FGD5: variants seen among roughly 807,000 people sequenced by gnomAD.
The protein encoded by FGD5 is FYVE, RhoGEF and PH domain containing 5.
Under a neutral mutation model 133.4 loss-of-function variants are expected in FGD5, and 28 were observed. The ratio of observed to expected loss-of-function variants is 0.21; its 90% CI spans 0.16 to 0.29. The LOEUF is 0.29. Ranked by LOEUF, FGD5 falls within the 10% of genes least tolerant of loss-of-function variation. FGD5 has a pLI of 1.00. For synonymous variants in FGD5, 810 were observed against 776.5 expected (o/e 1.04, Z -0.72); for missense variants, 1,858 against 1,895.2 (o/e 0.98, Z 0.36).
chr3:14,895,866 A>G (rs1036621078), intron 4 of FGD5, among the ~76,000 whole-genome samples: 6 of 152,200 alleles, frequency 3.9e-5, no homozygotes, highest in African/African-American at 1.4e-4. Flanking sequence ...AGCCGACAAG[A>G]TGTTATACTC....
At chr3:14,872,478 C>T (rs1237215504) in intron 2 of FGD5, among the ~76,000 whole-genome samples, 1 of 152,142 alleles carries the variant, frequency 6.6e-6, no homozygotes, top group Non-Finnish European at 1.5e-5. Context: ...AAAGCAGGTA[C>T]TCAAAGCACC....
At chr3:14,914,987 A>C (rs1315918205) in intron 11 of FGD5, among the ~76,000 whole-genome samples, 1 of 152,282 alleles carries the variant, frequency 6.6e-6, no homozygotes, top group Non-Finnish European at 1.5e-5. Context: ...AAAGCCAGCC[A>C]GACACCGATT....
chr3:14,818,645 A>G (rs1397309107), upstream of FGD5, among the ~76,000 whole-genome samples: 1 of 152,188 alleles, frequency 6.6e-6, no homozygotes, highest in East Asian at 1.9e-4. Flanking sequence ...TAGCTGCTGG[A>G]TGAATGAATG....
chr3:14,890,955 A>T (rs75697743), intron 4 of FGD5, among the ~76,000 whole-genome samples: 4,606 of 152,222 alleles, frequency 0.03, 243 homozygotes, highest in East Asian at 0.22. Context: ...GGAAATTGAG[A>T]CTCAGACAGG....
chr3:14,832,178 C>T (rs2036723806), intron 1 of FGD5, among the ~76,000 whole-genome samples: 1 of 152,200 alleles, frequency 6.6e-6, no homozygotes, highest in Non-Finnish European at 1.5e-5. Context: ...AGAGATAATG[C>T]AGACACCAGG....
intron 1 of FGD5, among the ~76,000 whole-genome samples, chr3:14,812,001 G>GGTGT (rs10644004): frequency 0.023 from 3,280 of 145,638 alleles, 68 homozygotes; most frequent in East Asian, 0.081. Context: ...ATATCCTGCT[G>GGTGT]GTGTGTGTGT....
chr3:14,898,556 C>A (rs1047118659), intron 6 of FGD5, among the ~76,000 whole-genome samples, 183 bp from the exon 7 acceptor site: 15 of 152,022 alleles, frequency 9.9e-5, no homozygotes, highest in Non-Finnish European at 1.8e-4. Flanking sequence ...TGAGCAGTTA[C>A]AGCAGGGCCG....
chr3:14,858,989 T>A (rs2037343803), intron 1 of FGD5, among the ~76,000 whole-genome samples: 3 of 152,256 alleles, frequency 2.0e-5, no homozygotes, highest in Admixed American at 6.5e-5. Flanking sequence ...TGCTAACTTC[T>A]GTTTAAGATA....
rs145062125 is a variant in FGD5 at position 14,892,805 on chromosome 3, G to A, written c.2749-4704G>A. ...TTGCACTCCAGACTGGGCAACAAGA[G>A]CAAAAATCCATCTCAAAAAAAAAAA... On this transcript the variant is annotated intron_variant, in intron 4 of 19. Coordinates refer to ENST00000285046, the MANE Select transcript of FGD5 (RefSeq NM_152536.4). 2.6e-4 allele frequency among the ~76,000 whole-genome samples: 36 copies of A among 136,106 alleles called. 1 individual carries two copies. The highest frequency in any genetic ancestry group is 9.8e-4 in the African/African-American group (35 of 35,796). 89.3% of individuals were successfully genotyped at this position (136,106 alleles called of 152,430 possible). A position where few individuals can be genotyped will look rare whatever the true frequency, so the allele number is the denominator to read the frequency against.
chr3:14,815,556 T>C (rs527953142), upstream of FGD5, among the ~76,000 whole-genome samples: 78 of 152,304 alleles, frequency 5.1e-4, no homozygotes, highest in Middle Eastern at 3.4e-3. Flanking sequence ...TCAATAAATA[T>C]GTATTTAATG....
At chr3:14,843,842 C>T (rs1386201268) in intron 1 of FGD5, among the ~76,000 whole-genome samples, 1 of 151,478 alleles carries the variant, frequency 6.6e-6, no homozygotes, top group East Asian at 2.0e-4. Context: ...AGGTATGCAC[C>T]ACCACCACAC....
chr3:14,893,616 G>C (rs2125129005), intron 4 of FGD5, among the ~76,000 whole-genome samples: 1 of 152,262 alleles, frequency 6.6e-6, no homozygotes, highest in African/African-American at 2.4e-5. Context: ...CCAAAGTGCT[G>C]GGATTATAGG....
At chr3:14,844,217 AATATATATATATATAT>A (rs869290486) in intron 1 of FGD5, among the ~76,000 whole-genome samples, 35 of 20,366 alleles carry the variant, frequency 1.7e-3, no homozygotes, top group African/African-American at 6.0e-3. Flanking sequence ...AAAAAAAAAA[AATATATATATATATAT>A]ATATATATAT....
intron 2 of FGD5, among the ~76,000 whole-genome samples, chr3:14,868,374 C>T (rs2037538168): frequency 2.0e-5 from 3 of 152,218 alleles, no homozygotes; most frequent in Admixed American, 2.0e-4. Context: ...AGGTCTGCTC[C>T]TGCCCAGCAG....
chr3:14,828,775 C>T (rs1250902029), intron 1 of FGD5, among the ~76,000 whole-genome samples: 2 of 150,326 alleles, frequency 1.3e-5, no homozygotes, highest in East Asian at 3.9e-4. Flanking sequence ...ATGGAGTGGG[C>T]AGTAGGGGAG....
intron 1 of FGD5, among the ~76,000 whole-genome samples, chr3:14,839,214 G>A (rs2036870876): frequency 6.6e-6 from 1 of 152,194 alleles, no homozygotes; most frequent in South Asian, 2.1e-4. Flanking sequence ...GGGAGGAATT[G>A]GGGGAATTCA....
At chr3:14,898,127 T>C in intron 6 of FGD5, 32 bp downstream of exon 6, 1 of 1,612,902 alleles carries the variant, frequency 6.2e-7, no homozygotes, top group East Asian at 2.2e-5. Flanking sequence ...GACCCTGCTG[T>C]AAGGATGCAG....
intron 4 of FGD5, among the ~76,000 whole-genome samples, chr3:14,883,541 C>T (rs530093134): frequency 5.3e-5 from 8 of 152,320 alleles, no homozygotes; most frequent in Admixed American, 1.3e-4. Flanking sequence ...TCCAACCATC[C>T]GTCCATTCCT....
intron 1 of FGD5, among the ~76,000 whole-genome samples, chr3:14,859,579 A>C (rs1485447048): frequency 6.6e-6 from 1 of 151,998 alleles, no homozygotes; most frequent in East Asian, 1.9e-4. Context: ...TAATAAAAGA[A>C]AGAAAGAAAA....
Sources: gnomAD v4.1 joint callset for allele counts (sites outside exome capture counted in the v4.1 genomes callset) on GRCh38, gnomAD v4.1.1 for gene constraint, MANE v1.5 for transcripts, NCBI Gene and HGNC (gene_info 2026-07-23, HGNC 2026-07-21) for gene names.